GRIN2B: variants seen among roughly 807,000 people sequenced by gnomAD.
GRIN2B encodes glutamate receptor ionotropic, NMDA 2B.
In GRIN2B, 5 loss-of-function variants were observed where a neutral mutation model predicts 114.5. The ratio of observed to expected loss-of-function variants is 0.04; its 90% confidence interval spans 0.02 to 0.09. GRIN2B has a LOEUF of 0.09. Ranked by LOEUF, GRIN2B falls within the 10% of genes least tolerant of loss-of-function variation. The pLI, the probability that GRIN2B is intolerant of heterozygous loss-of-function variation, is 1.00. For synonymous variants in GRIN2B, 787 were observed against 745.1 expected (o/e 1.06, Z -0.92); for missense variants, 1,108 against 1,943.5 (o/e 0.57, Z 8.08).
intron 2 of GRIN2B, among the ~76,000 whole-genome samples, chr12:13,965,056 C>G (rs576433045): frequency 2.9e-4 from 44 of 152,268 alleles, no homozygotes; most frequent in African/African-American, 9.1e-4. Flanking sequence ...ATCTATTTAA[C>G]CCACCCCATT....
chr12:13,927,966 C>CAAAAAAAAAAAAAAAAAAAAA (rs57736516), intron 2 of GRIN2B, among the ~76,000 whole-genome samples: 1 of 37,614 alleles, frequency 2.7e-5, no homozygotes. Context: ...GACCCTGTCT[C>CAAAAAAAAAAAAAAAAAAAAA]AAAAAAAAAA....
At chr12:13,714,347 C>T (rs1235201789) in intron 4 of GRIN2B, among the ~76,000 whole-genome samples, 1 of 151,900 alleles carries the variant, frequency 6.6e-6, no homozygotes, top group Non-Finnish European at 1.5e-5. Flanking sequence ...TAGTCCATGA[C>T]AGAGGCTTGA....
intron 4 of GRIN2B, among the ~76,000 whole-genome samples, chr12:13,725,725 A>G (rs1205524775): frequency 2.0e-5 from 3 of 152,188 alleles, no homozygotes; most frequent in African/African-American, 7.2e-5. Flanking sequence ...CTGCTTAACA[A>G]GAAATGGAGC....
intron 2 of GRIN2B, among the ~76,000 whole-genome samples, chr12:13,869,724 C>T (rs1330896384): frequency 6.6e-6 from 1 of 152,170 alleles, no homozygotes; most frequent in Non-Finnish European, 1.5e-5. Context: ...TGGGGCCTCT[C>T]AGTATAATAT....
intron 3 of GRIN2B, among the ~76,000 whole-genome samples, chr12:13,842,420 T>C (rs537543749): frequency 6.6e-6 from 1 of 152,332 alleles, no homozygotes; most frequent in African/African-American, 2.4e-5. Flanking sequence ...CGCAAACTTT[T>C]CATGATCGTC....
intron 5 of GRIN2B, among the ~76,000 whole-genome samples, chr12:13,626,160 T>A (rs537268390): frequency 6.6e-6 from 1 of 152,158 alleles, no homozygotes; most frequent in South Asian, 2.1e-4. Flanking sequence ...AAGACCTGTC[T>A]TCTGGAACAA....
rs921292933 is a variant in GRIN2B at position 13,554,493 on chromosome 12, A to C, written c.*8290T>G. 6.6e-6 allele frequency: 1 copy of C among 152,184 alleles called. No homozygotes were observed. Among genetic ancestry groups the C allele is most frequent in the African/African-American group, 2.4e-5 (1 of 41,444 alleles). 9.4% of individuals were successfully genotyped at this position (152,184 alleles called of 1,614,324 possible). A position where few individuals can be genotyped will look rare whatever the true frequency, so the allele number is the denominator to read the frequency against. On this transcript the variant is annotated 3_prime_UTR_variant, in exon 14 of 14. Coordinates refer to ENST00000609686, the MANE Select transcript of GRIN2B (RefSeq NM_000834.5). The stretch of plus-strand genomic sequence containing the variant: ...GACGCAAGTGGGAAAACAAGCTGGT[A>C]GGGAAAGGTGAAACAAATGTTATTC...
Position 13,556,564 on chromosome 12 carries a change from G to A in GRIN2B, c.*6219C>T, listed in dbSNP as rs567058603. The A allele has an allele frequency of 8.1e-4, 123 of 152,084 alleles. 1 individual carries two copies. The highest frequency in any genetic ancestry group is 2.9e-3 in the African/African-American group (119 of 41,484). The allele number at this position is 152,084 out of a possible 1,614,324, so 9.4% of individuals were successfully genotyped here. A position where few individuals can be genotyped will look rare whatever the true frequency, so the allele number is the denominator to read the frequency against. ...AAATCACAACATTAAAATAATTACC[G>A]ATAAAAGAGTTCAGGTTTAAAGTGT... is the stretch of plus-strand genomic sequence containing the variant. On this transcript the variant is annotated 3_prime_UTR_variant, in exon 14 of 14. Transcript: ENST00000609686.
At chr12:13,723,101 T>G (rs1191730566) in intron 4 of GRIN2B, among the ~76,000 whole-genome samples, 1 of 151,766 alleles carries the variant, frequency 6.6e-6, no homozygotes, top group Non-Finnish European at 1.5e-5. Context: ...TACAGCAGAC[T>G]GAAAGGGAGC....
At chr12:13,660,350 G>T (rs777172308) in intron 5 of GRIN2B, among the ~76,000 whole-genome samples, 8 of 152,046 alleles carry the variant, frequency 5.3e-5, no homozygotes, top group Admixed American at 1.3e-4. Context: ...TCTGTTAAAA[G>T]GGTACATTTC....
intron 2 of GRIN2B, among the ~76,000 whole-genome samples, chr12:13,877,231 G>A (rs1380709961): frequency 6.6e-6 from 1 of 152,170 alleles, no homozygotes; most frequent in Admixed American, 6.5e-5. Context: ...GTATGACTCA[G>A]ACTTCACCTC....
chr12:13,687,570 A>C (rs968144263), intron 4 of GRIN2B, among the ~76,000 whole-genome samples: 10 of 152,180 alleles, frequency 6.6e-5, no homozygotes, highest in African/African-American at 2.4e-4. Flanking sequence ...TTCTGATTGG[A>C]ATGTTCTACT....
rs749956390 is a variant in GRIN2B at position 13,753,943 on chromosome 12, AAG to A, written c.412-30_412-29del. 4.6e-5 allele frequency: 68 copies of A among 1,473,140 alleles called. No homozygotes were observed. The South Asian group carries it at 5.9e-4, about 13-fold the overall frequency. 91.3% of individuals were successfully genotyped at this position (1,473,140 alleles called of 1,614,324 possible). A position where few individuals can be genotyped will look rare whatever the true frequency, so the allele number is the denominator to read the frequency against. On this transcript the variant is annotated intron_variant, in intron 3 of 13. Coordinates refer to ENST00000609686, the MANE Select transcript of GRIN2B (RefSeq NM_000834.5). The surrounding 1 kb of genome is among the most constrained non-coding windows in gnomAD (Gnocchi z 6.2). ...AGAAAAAGAACAGGACAAAAAAAGG[AAG>A]AGAGAAAAAAATCAAACCAAAGATG...
chr12:13,925,438 A>G (rs1866896192), intron 2 of GRIN2B, among the ~76,000 whole-genome samples: 1 of 152,224 alleles, frequency 6.6e-6, no homozygotes, highest in South Asian at 2.1e-4. Flanking sequence ...CATTTTTGAG[A>G]TGTTTACTGA....
At chr12:13,627,445 G>A (rs1034578497) in intron 5 of GRIN2B, among the ~76,000 whole-genome samples, 11 of 152,200 alleles carry the variant, frequency 7.2e-5, no homozygotes, top group Admixed American at 5.9e-4. Context: ...TACATAAAGT[G>A]CTTTGCAAAG....
rs1032300696 is a variant in GRIN2B at position 13,551,714 on chromosome 12, T to G, written c.*11069A>C. On this transcript the variant is annotated 3_prime_UTR_variant, in exon 14 of 14. Coordinates refer to ENST00000609686, the MANE Select transcript of GRIN2B (RefSeq NM_000834.5). ...AATGCTCATGGCAAAGAGATCAAAT[T>G]CTGTGTAGTTGTGCTGTTCAGGTGA... is the stretch of plus-strand genomic sequence containing the variant. The G allele has an allele frequency of 1.3e-5, 2 of 152,164 alleles. No homozygotes were observed. The highest frequency in any genetic ancestry group is 2.9e-5 in the Non-Finnish European group (2 of 68,010). The allele number at this position is 152,164 out of a possible 1,614,324, so 9.4% of individuals were successfully genotyped here.
At chr12:13,923,060 T>C (rs899822115) in intron 2 of GRIN2B, among the ~76,000 whole-genome samples, 9 of 152,340 alleles carry the variant, frequency 5.9e-5, no homozygotes, top group Admixed American at 2.0e-4. Flanking sequence ...CATTTTTCCT[T>C]TCCTTTTTCT....
chr12:13,672,231 A>G (rs115488776), intron 5 of GRIN2B, among the ~76,000 whole-genome samples: 3,065 of 152,216 alleles, frequency 0.02, 108 homozygotes, highest in African/African-American at 0.071. Flanking sequence ...AGAGATGAGA[A>G]AAGAAAAATG....
Position 13,554,033 on chromosome 12 carries a change from G to A in GRIN2B, c.*8750C>T, listed in dbSNP as rs1459612295. On this transcript the variant is annotated 3_prime_UTR_variant, in exon 14 of 14. Transcript: ENST00000609686. ...GCAGATATATATAGAGAAACTGGGG[G>A]GATTCATCCTTAGGTGCTACTGCAG... 3 of 152,020 alleles carry A rather than the reference G, an allele frequency of 2.0e-5. No homozygotes were observed. The highest frequency in any genetic ancestry group is 7.2e-5 in the African/African-American group (3 of 41,402). 9.4% of individuals were successfully genotyped at this position (152,020 alleles called of 1,614,324 possible). A position where few individuals can be genotyped will look rare whatever the true frequency, so the allele number is the denominator to read the frequency against.
Sources: allele counts gnomAD v4.1 joint callset (sites outside exome capture counted in the v4.1 genomes callset), GRCh38; gene constraint gnomAD v4.1.1; non-coding constraint Gnocchi (gnomAD v3.1); transcripts MANE v1.5; gene names NCBI Gene and HGNC (gene_info 2026-07-23, HGNC 2026-07-21).